CCBE1: variants seen among roughly 807,000 people sequenced by gnomAD.
CCBE1 encodes the protein collagen and calcium-binding EGF domain-containing protein 1.
CCBE1 carries 37 observed loss-of-function variants against 50.0 expected under a neutral mutation model. The ratio of observed to expected loss-of-function variants is 0.74; its 90% confidence interval spans 0.57 to 0.97. CCBE1 has a LOEUF of 0.97. Ranked by LOEUF, CCBE1 falls within the 50% of genes least tolerant of loss-of-function variation. CCBE1 has a pLI of 0.00. For missense variants in CCBE1, 538 were observed against 523.8 expected (o/e 1.03, Z -0.26); for synonymous variants, 234 against 203.7 (o/e 1.15, Z -1.27).
chr18:59,558,805 G>A (rs778751325), intron 2 of CCBE1, among the ~76,000 whole-genome samples: 6 of 152,252 alleles, frequency 3.9e-5, no homozygotes, highest in Non-Finnish European at 7.3e-5. Context: ...GCACAGCTGT[G>A]TATGGGGGTG....
rs558844682 is a variant in CCBE1, at chr18:59,653,555, G to A, written c.212+43074C>T. 4.6e-5 allele frequency among the ~76,000 whole-genome samples: 7 copies of A among 152,272 alleles called. No homozygotes were observed. The South Asian group carries it at 1.4e-3, about 32-fold the overall frequency. Reference sequence around the variant, plus strand: ...ATTTTTTCCCCCACAACAACCCTATGAGATTAGTGCCATGATTTCTGCTGA... The same window carrying A: ...ATTTTTTCCCCCACAACAACCCTATAAGATTAGTGCCATGATTTCTGCTGA... On this transcript the variant is annotated intron_variant, in intron 2 of 10. Coordinates refer to ENST00000439986, the MANE Select transcript of CCBE1 (RefSeq NM_133459.4).
intron 2 of CCBE1, among the ~76,000 whole-genome samples, chr18:59,559,064 G>T (rs1387583231): frequency 1.3e-5 from 2 of 152,234 alleles, no homozygotes; most frequent in Non-Finnish European, 2.9e-5. Context: ...TTCAGTCCCT[G>T]AGGGCTCCTA....
chr18:59,449,493 A>AC (rs1361806489), intron 6 of CCBE1, among the ~76,000 whole-genome samples: 1 of 152,046 alleles, frequency 6.6e-6, no homozygotes, highest in Non-Finnish European at 1.5e-5. Context: ...ATGGTGGTGC[A>AC]CGCCTGTAGT....
At chr18:59,682,087 G>A in intron 2 of CCBE1, among the ~76,000 whole-genome samples, 1 of 152,200 alleles carries the variant, frequency 6.6e-6, no homozygotes. Context: ...TCCCAGACCG[G>A]GCGCGTTGGC....
rs1463774680 is a variant in CCBE1, at chr18:59,478,943, C to A, written c.265+1243G>T. On this transcript the variant is annotated intron_variant, in intron 3 of 10. Transcript: ENST00000439986. Reference sequence around the variant, plus strand: ...TCAACCATCACACGTGGAGCGATTCCCAGCCAGCCTTCCTATGGCAGCTTT... The same window carrying A: ...TCAACCATCACACGTGGAGCGATTCACAGCCAGCCTTCCTATGGCAGCTTT... Among the ~76,000 whole-genome samples the A allele has an allele frequency of 2.6e-5, 4 of 152,284 alleles. 1 individual carries two copies. The South Asian group carries it at 8.3e-4, about 32-fold the overall frequency.
At chr18:59,697,070 GCTGAGCACTCTC>G in intron 1 of CCBE1, 130 bp downstream of exon 1, 1 of 1,186,774 alleles carries the variant, frequency 8.4e-7, no homozygotes, top group Non-Finnish European at 1.2e-6. Flanking sequence ...GCCCAGGACA[GCTGAGCACTCTC>G]CTTATCCCCG....
intron 4 of CCBE1, among the ~76,000 whole-genome samples, chr18:59,468,147 G>A (rs565664036): frequency 1.4e-4 from 22 of 152,308 alleles, no homozygotes; most frequent in East Asian, 5.8e-4. Flanking sequence ...CAGCGCTTTG[G>A]GGGGGCCAAG....
At chr18:59,462,210 C>T (rs1310674305) in intron 5 of CCBE1, among the ~76,000 whole-genome samples, 1 of 152,134 alleles carries the variant, frequency 6.6e-6, no homozygotes, top group Non-Finnish European at 1.5e-5. Context: ...ATGCAGTCTA[C>T]AGAAAACACT....
chr18:59,592,780 T>C (rs1048832443), intron 2 of CCBE1, among the ~76,000 whole-genome samples: 2 of 152,210 alleles, frequency 1.3e-5, no homozygotes, highest in Non-Finnish European at 2.9e-5. Flanking sequence ...TGGAACCATG[T>C]TAATGTTTCA....
chr18:59,542,590 T>C (rs997750601), intron 2 of CCBE1, among the ~76,000 whole-genome samples: 2 of 152,130 alleles, frequency 1.3e-5, no homozygotes, highest in African/African-American at 2.4e-5. Flanking sequence ...ACCATATGCA[T>C]CTGAAAAAAT....
At chr18:59,645,807 G>A (rs375443794) in intron 2 of CCBE1, among the ~76,000 whole-genome samples, 92 of 152,276 alleles carry the variant, frequency 6.0e-4, no homozygotes, top group African/African-American at 2.1e-3. Context: ...CAAGGTGGGC[G>A]GATCACAAGA....
intron 2 of CCBE1, among the ~76,000 whole-genome samples, chr18:59,543,834 C>CAA (rs10678902): frequency 0.029 from 1,963 of 68,700 alleles, 111 homozygotes; most frequent in East Asian, 0.03. Flanking sequence ...GACTCCGTCT[C>CAA]AAAAAAAAAA....
At chr18:59,612,857 A>C (rs1391041292) in intron 2 of CCBE1, among the ~76,000 whole-genome samples, 1 of 127,304 alleles carries the variant, frequency 7.9e-6, no homozygotes, top group Non-Finnish European at 1.6e-5. Context: ...TGTTTTTTTT[A>C]ATGTCTGTTA....
intron 2 of CCBE1, among the ~76,000 whole-genome samples, chr18:59,499,428 A>C (rs994357846): frequency 6.6e-6 from 1 of 152,180 alleles, no homozygotes; most frequent in Non-Finnish European, 1.5e-5. Context: ...CCTGAGACTA[A>C]GTAATTTATA....
intron 2 of CCBE1, among the ~76,000 whole-genome samples, chr18:59,666,795 T>C (rs530705011): frequency 6.6e-6 from 1 of 152,156 alleles, no homozygotes; most frequent in East Asian, 1.9e-4. Context: ...TGAAACCCCA[T>C]CTCTACTAAA....
intron 2 of CCBE1, among the ~76,000 whole-genome samples, chr18:59,610,967 A>G (rs985708167): frequency 9.9e-5 from 15 of 152,246 alleles, no homozygotes; most frequent in African/African-American, 3.6e-4. Context: ...CCCAAAGCCC[A>G]TGCCCTTTGA....
intron 5 of CCBE1, among the ~76,000 whole-genome samples, chr18:59,461,993 C>A (rs1911506665): frequency 6.6e-6 from 1 of 152,052 alleles, no homozygotes. Flanking sequence ...CTCAGCCTCC[C>A]AAAGTGCTGG....
Position 59,640,182 on chromosome 18 carries a change from G to A in CCBE1, c.212+56447C>T, listed in dbSNP as rs111421233. On this transcript the variant is annotated intron_variant, in intron 2 of 10. Coordinates refer to ENST00000439986, the MANE Select transcript of CCBE1 (RefSeq NM_133459.4). ...AAGAACGAGTCTGAATAGCCAAGGC[G>A]ATTCTAAACAAAAAGAATAGAGATG... Among the ~76,000 whole-genome samples, 154 of 152,216 alleles carry A rather than the reference G, an allele frequency of 1.0e-3. 1 individual carries two copies. In the Middle Eastern group the frequency reaches 0.014, roughly 13 times the overall value.
At chr18:59,489,426 T>TA (rs1476666771) in intron 2 of CCBE1, among the ~76,000 whole-genome samples, 3 of 152,230 alleles carry the variant, frequency 2.0e-5, no homozygotes, top group African/African-American at 4.8e-5. Flanking sequence ...TTTATTTATT[T>TA]TTTTTGAGAT....
Sources: allele counts gnomAD v4.1 joint callset (sites outside exome capture counted in the v4.1 genomes callset), GRCh38; gene constraint gnomAD v4.1.1; transcripts MANE v1.5; gene names NCBI Gene and HGNC (gene_info 2026-07-23, HGNC 2026-07-21).